The following PRKAG2 variants were observed in gnomAD, a reference collection of about 807,000 sequenced individuals.
PRKAG2 encodes the protein 5'-AMP-activated protein kinase subunit gamma-2.
A neutral mutation model predicts 69.6 loss-of-function variants in PRKAG2; 26 were observed. The observed-to-expected ratio is 0.37, with a 90% confidence interval of 0.27 to 0.52. The LOEUF is 0.52. PRKAG2 is among the 20% of genes least tolerant of loss of function. The pLI, the probability that PRKAG2 is intolerant of heterozygous loss-of-function variation, is 0.90. For synonymous variants in PRKAG2, 293 were observed against 285.0 expected (o/e 1.03, Z -0.28); for missense variants, 557 against 740.0 (o/e 0.75, Z 2.87).
chr7:151,738,672 C>A (rs1225408087), intron 3 of PRKAG2, among the ~76,000 whole-genome samples: 1 of 152,258 alleles, frequency 6.6e-6, no homozygotes, highest in African/African-American at 2.4e-5. Context: ...TTCGGCCCAT[C>A]CCTTTGTTTC....
chr7:151,786,644 C>A, intron 1 of PRKAG2, 103 bp from the exon 2 acceptor site: 1 of 920,204 alleles, frequency 1.1e-6, no homozygotes, highest in South Asian at 1.4e-5. Context: ...GAGACCTTAT[C>A]CTTCAAATCC....
intron 1 of PRKAG2, chr7:151,809,441 C>G: frequency 2.9e-6 from 1 of 350,862 alleles, no homozygotes; most frequent in South Asian, 2.1e-5. Flanking sequence ...GCTGTGGGGT[C>G]CTCCCACCAG....
rs568374671 is a variant in PRKAG2 at position 151,780,295 on chromosome 7, C to T, written c.466+857G>A. 1.3e-5 allele frequency among the ~76,000 whole-genome samples: 2 copies of T among 152,222 alleles called. No homozygotes were observed. The highest frequency in any genetic ancestry group is 6.5e-5 in the Admixed American group (1 of 15,286). ...GCCGCCTGGCCTTGCAGATATAAAG[C>T]GTTGCTCTAACACACAGTATTGCCA... is the stretch of plus-strand genomic sequence containing the variant. On this transcript the variant is annotated intron_variant, in intron 3 of 15. Transcript: ENST00000287878. This position sits in a 1 kb window ranked among gnomAD's most constrained non-coding sequence, Gnocchi z 4.2.
intron 1 of PRKAG2, among the ~76,000 whole-genome samples, chr7:151,822,654 G>A (rs1328873504): frequency 2.0e-5 from 3 of 152,186 alleles, no homozygotes; most frequent in Admixed American, 6.5e-5. Context: ...TGGCCTGTGA[G>A]ATGGTGCTGC....
intron 5 of PRKAG2, among the ~76,000 whole-genome samples, chr7:151,630,691 A>G (rs1414397842): frequency 2.0e-5 from 3 of 151,226 alleles, no homozygotes; most frequent in Non-Finnish European, 4.4e-5. Context: ...TCTTACTAAT[A>G]TAAGAGACAA....
At chr7:151,559,012 G>C (rs1450761520) in intron 15 of PRKAG2, 3 of 985,310 alleles carry the variant, frequency 3.0e-6, no homozygotes, top group Admixed American at 6.1e-5. Flanking sequence ...CCGTGGTCCA[G>C]GGCTGGAAAC....
At chr7:151,861,527 CCAA>C (rs2079923898) in intron 1 of PRKAG2, among the ~76,000 whole-genome samples, 8 of 60,396 alleles carry the variant, frequency 1.3e-4, no homozygotes, top group Admixed American at 1.8e-4. Flanking sequence ...GACTCTGTCT[CCAA>C]AAAAAAAAAA....
chr7:151,675,250 G>T (rs1832719106), intron 4 of PRKAG2, 170 bp downstream of exon 4: 2 of 754,502 alleles, frequency 2.7e-6, no homozygotes, highest in Non-Finnish European at 2.3e-6. Flanking sequence ...TTGCTATTGT[G>T]CCCTCACCAT....
intron 3 of PRKAG2, among the ~76,000 whole-genome samples, chr7:151,718,843 G>A (rs761231177): frequency 6.6e-6 from 1 of 152,014 alleles, no homozygotes. Context: ...CCAGAAGGCA[G>A]GTCTGCCCAC....
intron 5 of PRKAG2, among the ~76,000 whole-genome samples, chr7:151,628,144 T>C (rs1353080941): frequency 6.6e-6 from 1 of 152,106 alleles, no homozygotes; most frequent in Non-Finnish European, 1.5e-5. Context: ...AGAGCCCAGC[T>C]CCTCCGGCAG....
At chr7:151,778,324 G>C (rs1563652563) in intron 3 of PRKAG2, among the ~76,000 whole-genome samples, 1 of 152,122 alleles carries the variant, frequency 6.6e-6, no homozygotes, top group Non-Finnish European at 1.5e-5. Flanking sequence ...TCGGTGAATT[G>C]GTTTTATCTG....
chr7:151,627,643 G>A (rs1055039501), intron 5 of PRKAG2, among the ~76,000 whole-genome samples: 1 of 152,118 alleles, frequency 6.6e-6, no homozygotes, highest in Non-Finnish European at 1.5e-5. Flanking sequence ...GAAAAATAAA[G>A]CAAGATTGAG....
chr7:151,769,704 T>C (rs2075920943), intron 3 of PRKAG2, among the ~76,000 whole-genome samples: 1 of 152,150 alleles, frequency 6.6e-6, no homozygotes, highest in South Asian at 2.1e-4. Flanking sequence ...GAAACTAACC[T>C]GTGGGCCATG....
rs557169172 is a variant in PRKAG2, at chr7:151,793,629, C to A, written c.115-7088G>T. Among the ~76,000 whole-genome samples, 6 of 152,324 alleles carry A rather than the reference C, an allele frequency of 3.9e-5. No homozygotes were observed. The East Asian group carries it at 1.2e-3, about 29-fold the overall frequency. On this transcript the variant is annotated intron_variant, in intron 1 of 15. Coordinates refer to ENST00000287878, the MANE Select transcript of PRKAG2 (RefSeq NM_016203.4). ...GGGAGTGGCTCATAGGTTCTGACCA[C>A]GGCTGAGTGGTGACTGTGGCCTGGA...
chr7:151,834,319 C>T (rs1406138738), intron 1 of PRKAG2, among the ~76,000 whole-genome samples: 1 of 152,222 alleles, frequency 6.6e-6, no homozygotes, highest in Non-Finnish European at 1.5e-5. Context: ...AAATTAAGTC[C>T]TGTAACCAGG....
At chr7:151,768,046 A>C (rs1442467289) in intron 3 of PRKAG2, among the ~76,000 whole-genome samples, 1 of 152,224 alleles carries the variant, frequency 6.6e-6, no homozygotes, top group Non-Finnish European at 1.5e-5. Context: ...GACAAGCTGC[A>C]AATAATAACA....
intron 1 of PRKAG2, among the ~76,000 whole-genome samples, chr7:151,840,577 G>A (rs1478462917): frequency 6.6e-6 from 1 of 152,154 alleles, no homozygotes; most frequent in Non-Finnish European, 1.5e-5. Flanking sequence ...TCTGGCCCCC[G>A]GACCTGCACT....
intron 3 of PRKAG2, among the ~76,000 whole-genome samples, chr7:151,690,040 CAAAA>C (rs1835419717): frequency 6.6e-6 from 1 of 152,166 alleles, no homozygotes; most frequent in Non-Finnish European, 1.5e-5. Context: ...GTGGTGGAAA[CAAAA>C]GTATTGGTTG....
At chr7:151,793,568 G>C (rs965432421) in intron 1 of PRKAG2, among the ~76,000 whole-genome samples, 1 of 152,126 alleles carries the variant, frequency 6.6e-6, no homozygotes, top group Non-Finnish European at 1.5e-5. Context: ...CCTGGACCCC[G>C]TCCTGCCCAC....
Sources: gnomAD v4.1 joint callset for allele counts (sites outside exome capture counted in the v4.1 genomes callset) on GRCh38, gnomAD v4.1.1 for gene constraint, Gnocchi (gnomAD v3.1) non-coding constraint, MANE v1.5 for transcripts, NCBI Gene and HGNC (gene_info 2026-07-23, HGNC 2026-07-21) for gene names.